VWA3B: variants seen among roughly 807,000 people sequenced by gnomAD.
VWA3B encodes the protein von Willebrand factor A domain-containing protein 3B.
In VWA3B, 138 loss-of-function variants were observed where a neutral mutation model predicts 158.3. The ratio of observed to expected loss-of-function variants is 0.87; its 90% confidence interval spans 0.76 to 1.00. VWA3B has a LOEUF of 1.00. VWA3B is among the 50% of genes least tolerant of loss of function. The pLI, the probability that VWA3B is intolerant of heterozygous loss-of-function variation, is 0.00. For missense variants in VWA3B, 1,555 were observed against 1,565.1 expected, an observed-to-expected ratio of 0.99 and a Z score of 0.11; for synonymous variants, 596 against 587.3, an observed-to-expected ratio of 1.01 and a Z score of -0.21.
chr2:98,168,454 C>A (rs1679296373), intron 8 of VWA3B, among the ~76,000 whole-genome samples: 4 of 151,648 alleles, frequency 2.6e-5, no homozygotes, highest in African/African-American at 4.8e-5. Flanking sequence ...TCAAAAAATT[C>A]TTTGAATGTC....
chr2:98,215,439 TAA>T (rs1057093268), intron 13 of VWA3B, among the ~76,000 whole-genome samples: 2 of 137,654 alleles, frequency 1.5e-5, no homozygotes, highest in African/African-American at 2.7e-5. Flanking sequence ...AGACTCCATC[TAA>T]AAAAAAAAAC....
chr2:98,285,306 A>G (rs967366136), intron 22 of VWA3B, among the ~76,000 whole-genome samples: 4 of 152,108 alleles, frequency 2.6e-5, no homozygotes, highest in Admixed American at 6.6e-5. Flanking sequence ...CATTGTATGG[A>G]TATACCACAT....
intron 9 of VWA3B, among the ~76,000 whole-genome samples, chr2:98,185,990 C>T (rs1321004693): frequency 6.6e-6 from 1 of 152,106 alleles, no homozygotes; most frequent in Non-Finnish European, 1.5e-5. Flanking sequence ...CAATTCTCCT[C>T]CCATGCTCCT....
chr2:98,203,155 A>G (rs1326869447), intron 12 of VWA3B, among the ~76,000 whole-genome samples: 1 of 152,152 alleles, frequency 6.6e-6, no homozygotes. Flanking sequence ...TCGCCTATGA[A>G]TGTGCAATTC....
intron 23 of VWA3B, among the ~76,000 whole-genome samples, chr2:98,294,889 A>G (rs1689710325): frequency 6.6e-6 from 1 of 152,152 alleles, no homozygotes; most frequent in Non-Finnish European, 1.5e-5. Context: ...CTCCAACGGG[A>G]TTTAAAACAA....
intron 8 of VWA3B, among the ~76,000 whole-genome samples, chr2:98,180,049 T>C (rs753880100): frequency 2.1e-4 from 32 of 148,916 alleles, no homozygotes; most frequent in Non-Finnish European, 4.5e-4. Context: ...CCTTCCTCCC[T>C]CCCTCCTTTT....
In VWA3B at chr2:98,128,353, AGAG is replaced by A; in HGVS notation, c.821_823del (p.Gly274del). 2.5e-6 allele frequency: 4 copies of A among 1,614,124 alleles called. No homozygotes were observed. In the South Asian group the frequency reaches 4.4e-5, roughly 18 times the overall value. Reference sequence around the variant, plus strand: ...AGTCTACACAGTGTCCTTCAACGCCAGAGGAGAAGGCACTATAGCTTTTCTAAA... The same window carrying A: ...AGTCTACACAGTGTCCTTCAACGCCAGAGAAGGCACTATAGCTTTTCTAAA... On this transcript the variant is annotated inframe_deletion, in exon 6 of 28. Transcript: ENST00000477737.
chr2:98,259,504 C>A (rs1687352392), intron 21 of VWA3B, among the ~76,000 whole-genome samples: 2 of 151,630 alleles, frequency 1.3e-5, no homozygotes, highest in African/African-American at 4.8e-5. Context: ...TTGTGCATTT[C>A]ATCTAGATTA....
intron 8 of VWA3B, among the ~76,000 whole-genome samples, chr2:98,168,433 A>G (rs573234566): frequency 6.6e-6 from 1 of 151,692 alleles, no homozygotes; most frequent in Non-Finnish European, 1.5e-5. Flanking sequence ...AATAACTCTA[A>G]GCAGAAATTT....
intron 2 of VWA3B, among the ~76,000 whole-genome samples, chr2:98,109,263 A>G (rs556326489): frequency 6.6e-6 from 1 of 152,264 alleles, no homozygotes; most frequent in African/African-American, 2.4e-5. Flanking sequence ...AAGTGCTGGG[A>G]TTACAGGCGT....
intron 19 of VWA3B, chr2:98,245,656 C>T: frequency 2.2e-6 from 1 of 455,316 alleles, no homozygotes; most frequent in South Asian, 1.6e-5. Flanking sequence ...AGGAGACAAG[C>T]TGATCATGAT....
At chr2:98,100,819 A>G (rs1442288247) in intron 2 of VWA3B, among the ~76,000 whole-genome samples, 3 of 152,142 alleles carry the variant, frequency 2.0e-5, no homozygotes, top group African/African-American at 7.2e-5. Context: ...GATGCAGGTA[A>G]GGTAAAACTA....
intron 13 of VWA3B, chr2:98,216,985 C>CCCCCT (rs373240618): frequency 1.0e-5 from 13 of 1,245,320 alleles, no homozygotes; most frequent in African/African-American, 1.8e-5. Context: ...TGTAAGCACC[C>CCCCCT]GCCCCGCACC....
chr2:98,140,476 T>G (rs1390334491), intron 7 of VWA3B, among the ~76,000 whole-genome samples: 1 of 152,192 alleles, frequency 6.6e-6, no homozygotes, highest in African/African-American at 2.4e-5. Context: ...AGCCCAGCAT[T>G]GGCTGGATCC....
intron 8 of VWA3B, among the ~76,000 whole-genome samples, chr2:98,164,054 G>A (rs563253743): frequency 6.6e-6 from 1 of 152,280 alleles, no homozygotes; most frequent in African/African-American, 2.4e-5. Flanking sequence ...GATCGGCTCG[G>A]CCAGCCTTGA....
intron 7 of VWA3B, among the ~76,000 whole-genome samples, chr2:98,141,026 C>G (rs1035076176): frequency 6.6e-6 from 1 of 152,206 alleles, no homozygotes; most frequent in Non-Finnish European, 1.5e-5. Context: ...TGCCTTGGCA[C>G]CTGGCTCTCA....
intron 6 of VWA3B, among the ~76,000 whole-genome samples, chr2:98,133,007 T>A (rs6543301): frequency 0.64 from 96,624 of 152,042 alleles, 32,559 homozygotes; most frequent in African/African-American, 0.86. Context: ...GCGTGGCTGG[T>A]GGAGCATTAC....
chr2:98,280,350 A>G (rs1558757282), intron 22 of VWA3B, among the ~76,000 whole-genome samples: 1 of 152,100 alleles, frequency 6.6e-6, no homozygotes, highest in Non-Finnish European at 1.5e-5. Context: ...AAAGAAAAGA[A>G]AGAGAGAGAG....
chr2:98,214,783 T>A (rs34442591), intron 13 of VWA3B, among the ~76,000 whole-genome samples: 1,972 of 152,292 alleles, frequency 0.013, 45 homozygotes, highest in African/African-American at 0.046. Flanking sequence ...GCAGTCGGAT[T>A]GTTTTTGAGC....
Sources: allele counts gnomAD v4.1 joint callset (sites outside exome capture counted in the v4.1 genomes callset), GRCh38; gene constraint gnomAD v4.1.1; transcripts MANE v1.5; gene names NCBI Gene and HGNC (gene_info 2026-07-23, HGNC 2026-07-21).